PTPRN2: variants seen among roughly 807,000 people sequenced by gnomAD.
The protein encoded by PTPRN2 is receptor-type tyrosine-protein phosphatase N2.
In PTPRN2, 74 loss-of-function variants were observed where a neutral mutation model predicts 118.8. The observed-to-expected ratio is 0.62, with a 90% CI of 0.52 to 0.76. The LOEUF is 0.76. Among genes scored for constraint, PTPRN2 ranks in the 30% least tolerant of loss-of-function variants. The probability of loss-of-function intolerance (pLI) is 0.00; values close to 1 mark genes in which losing one functional copy is unlikely to be tolerated. For synonymous variants in PTPRN2, 641 were observed against 608.0 expected (o/e 1.05, Z -0.80); for missense variants, 1,481 against 1,394.4 (o/e 1.06, Z -0.99).
At chr7:158,580,658 C>A (rs1828580125) in intron 1 of PTPRN2, among the ~76,000 whole-genome samples, 1 of 152,132 alleles carries the variant, frequency 6.6e-6, no homozygotes, top group Admixed American at 6.5e-5. Flanking sequence ...AATAAATGTT[C>A]TTAGGAAAGT....
At chr7:158,446,592 G>A (rs1817743950) in intron 2 of PTPRN2, among the ~76,000 whole-genome samples, 1 of 152,248 alleles carries the variant, frequency 6.6e-6, no homozygotes. Context: ...CCTGGACCCT[G>A]CCTGGGCTGC....
chr7:157,671,363 G>A lies in PTPRN2; in HGVS notation c.2001+11362C>T, dbSNP rs1009537964. Reference sequence around the variant, plus strand: ...TACACTGGAGGGATGGTGACGAGACGTCACCGCAGAGGCGGCAGAAGGGAT... The same window carrying A: ...TACACTGGAGGGATGGTGACGAGACATCACCGCAGAGGCGGCAGAAGGGAT... On this transcript the variant is annotated intron_variant, in intron 13 of 22. Transcript: ENST00000389418. The surrounding 1 kb of genome is among the most constrained non-coding windows in gnomAD (Gnocchi z 4.1). Among the ~76,000 whole-genome samples, 1 of 152,158 alleles carries A rather than the reference G, an allele frequency of 6.6e-6. No individual in the cohort carries two copies. The highest frequency in any genetic ancestry group is 1.5e-5 in the Non-Finnish European group (1 of 68,028).
Position 157,595,821 on chromosome 7 carries a change from C to T in PTPRN2, c.2419-506G>A, listed in dbSNP as rs536583311. ...GGCACAGGTAGGGACCCAGCTGTCC[C>T]GAGCCTTGAGCCTGAACCACTGCGT... On this transcript the variant is annotated intron_variant, in intron 16 of 22. Transcript: ENST00000389418. Among the ~76,000 whole-genome samples, 8 of 152,300 alleles carry T rather than the reference C, an allele frequency of 5.3e-5. 1 individual carries two copies. The highest frequency in any genetic ancestry group is 4.6e-4 in the Admixed American group (7 of 15,302).
At chr7:158,037,214 A>G (rs556929041) in intron 11 of PTPRN2, among the ~76,000 whole-genome samples, 1 of 152,378 alleles carries the variant, frequency 6.6e-6, no homozygotes, top group Admixed American at 6.5e-5. Flanking sequence ...CTAAAAGTTC[A>G]TTGAATGGCA....
intron 21 of PTPRN2, 22 bp from the exon 22 acceptor site, chr7:157,549,041 GC>G: frequency 6.2e-7 from 1 of 1,611,226 alleles, no homozygotes; most frequent in Non-Finnish European, 8.5e-7. Context: ...CACAAATTGG[GC>G]TGAGTTCAGA....
At chr7:157,867,465 G>C (rs866408965) in intron 12 of PTPRN2, among the ~76,000 whole-genome samples, 1 of 77,472 alleles carries the variant, frequency 1.3e-5, no homozygotes, top group African/African-American at 5.4e-5. Flanking sequence ...TCTGGATACA[G>C]GGCCACCACC....
intron 12 of PTPRN2, among the ~76,000 whole-genome samples, chr7:157,884,595 A>C (rs191640433): frequency 3.9e-4 from 59 of 152,218 alleles, no homozygotes; most frequent in African/African-American, 1.3e-3. Flanking sequence ...GGTTTAATGG[A>C]CTCACAGTTC....
intron 13 of PTPRN2, among the ~76,000 whole-genome samples, chr7:157,659,350 TGGGGGGGGACGACTGTGGGGAA>T (rs1795770816): frequency 2.8e-5 from 1 of 36,014 alleles, no homozygotes; most frequent in Non-Finnish European, 4.8e-5. Flanking sequence ...ACTGCGGGGA[TGGGGGGGGACGACTGTGGGGAA>T]GGGGGGGACG....
chr7:157,969,313 T>A (rs1802157868), intron 11 of PTPRN2, among the ~76,000 whole-genome samples: 1 of 152,180 alleles, frequency 6.6e-6, no homozygotes, highest in South Asian at 2.1e-4. Flanking sequence ...TCTCACCATG[T>A]TGCCCAGGCT....
chr7:157,574,246 G>C, intron 19 of PTPRN2: 1 of 405,724 alleles, frequency 2.5e-6, no homozygotes, highest in East Asian at 5.9e-5. Flanking sequence ...CCGGGCGAGA[G>C]CGCACCGTCA....
intron 3 of PTPRN2, among the ~76,000 whole-genome samples, chr7:158,270,906 C>A (rs1357236404): frequency 4.3e-5 from 2 of 46,636 alleles, no homozygotes; most frequent in African/African-American, 2.4e-4. Context: ...ACCTGGACCA[C>A]CCCCCCCACC....
chr7:158,218,343 A>C lies in PTPRN2; in HGVS notation c.278-13070T>G, dbSNP rs145584494. Among the ~76,000 whole-genome samples the C allele has an allele frequency of 5.1e-3, 777 of 152,314 alleles. 8 individuals are homozygous for C. The highest frequency in any genetic ancestry group is 0.018 in the African/African-American group (742 of 41,566). Reference sequence around the variant, plus strand: ...AAGGATTTCATATCCCACAAAACTAAGCATCATAAGCAAAGAAGAAATAAA... The same window carrying C: ...AAGGATTTCATATCCCACAAAACTACGCATCATAAGCAAAGAAGAAATAAA... On this transcript the variant is annotated intron_variant, in intron 3 of 22. Coordinates refer to ENST00000389418, the MANE Select transcript of PTPRN2 (RefSeq NM_002847.5).
At chr7:158,365,022 A>T (rs768548511) in intron 2 of PTPRN2, among the ~76,000 whole-genome samples, 8 of 152,068 alleles carry the variant, frequency 5.3e-5, no homozygotes, top group Non-Finnish European at 1.2e-4. Flanking sequence ...ACATACATAC[A>T]TTCATACAGA....
At chr7:158,479,159 G>A (rs536886289) in intron 2 of PTPRN2, among the ~76,000 whole-genome samples, 4 of 152,176 alleles carry the variant, frequency 2.6e-5, no homozygotes, top group South Asian at 2.1e-4. Flanking sequence ...ACAAGTCACC[G>A]AACTCTTCTG....
chr7:157,626,242 G>A (rs761838288), intron 14 of PTPRN2, among the ~76,000 whole-genome samples: 2 of 152,056 alleles, frequency 1.3e-5, no homozygotes, highest in Non-Finnish European at 2.9e-5. Context: ...TTCACTGAAC[G>A]ACCAGGTTGG....
chr7:158,149,545 T>G (rs910924954), intron 6 of PTPRN2, among the ~76,000 whole-genome samples: 2 of 152,208 alleles, frequency 1.3e-5, no homozygotes, highest in Non-Finnish European at 2.9e-5. Flanking sequence ...GGCTCATGCC[T>G]GTAATCCCAG....
intron 12 of PTPRN2, among the ~76,000 whole-genome samples, chr7:157,849,975 C>A (rs1809149103): frequency 6.6e-6 from 1 of 152,242 alleles, no homozygotes; most frequent in Admixed American, 6.5e-5. Flanking sequence ...CCCCGTCCCT[C>A]AGGGATGGTC....
intron 21 of PTPRN2, among the ~76,000 whole-genome samples, chr7:157,568,167 C>T (rs866450836): frequency 4.6e-5 from 7 of 152,196 alleles, no homozygotes; most frequent in African/African-American, 1.7e-4. Flanking sequence ...GAGCCAGACC[C>T]GCGCACAGAT....
At chr7:157,771,178 A>G (rs1802780274) in intron 12 of PTPRN2, among the ~76,000 whole-genome samples, 1 of 152,200 alleles carries the variant, frequency 6.6e-6, no homozygotes, top group Admixed American at 6.5e-5. Flanking sequence ...AACTGCCACC[A>G]CAATGTGCCA....
Sources: allele counts gnomAD v4.1 joint callset (sites outside exome capture counted in the v4.1 genomes callset), GRCh38; gene constraint gnomAD v4.1.1; non-coding constraint Gnocchi (gnomAD v3.1); transcripts MANE v1.5; gene names NCBI Gene and HGNC (gene_info 2026-07-23, HGNC 2026-07-21).